Variants in COMMD10 observed in about 807,000 individuals in gnomAD.
The protein encoded by COMMD10 is COMM domain containing 10, also known as COMM domain-containing protein 10.
Under a neutral mutation model 28.9 loss-of-function variants are expected in COMMD10, and 33 were observed. The observed-to-expected ratio is 1.14, with a 90% CI of 0.87 to 1.53. The LOEUF is 1.53. Ranked by LOEUF, COMMD10 falls within the 40% of genes most tolerant of loss-of-function variation. The pLI, the probability that COMMD10 is intolerant of heterozygous loss-of-function variation, is 0.00. For synonymous variants in COMMD10, 110 were observed against 81.7 expected (o/e 1.35, Z -1.87); for missense variants, 310 against 233.4 (o/e 1.33, Z -2.14).
intron 5 of COMMD10, among the ~76,000 whole-genome samples, chr5:116,199,016 T>A (rs1748598461): frequency 1.3e-5 from 2 of 152,174 alleles, no homozygotes; most frequent in South Asian, 4.1e-4. Flanking sequence ...CATGTTTAGT[T>A]TTGTGAGAAA....
intron 4 of COMMD10, among the ~76,000 whole-genome samples, chr5:116,097,049 C>T (rs550271007): frequency 1.3e-5 from 2 of 151,756 alleles, no homozygotes; most frequent in Non-Finnish European, 2.9e-5. Context: ...TAGTAAATTA[C>T]TTTTTAGTGT....
intron 4 of COMMD10, among the ~76,000 whole-genome samples, chr5:116,112,285 C>G (rs1054581302): frequency 1.3e-5 from 2 of 152,080 alleles, no homozygotes; most frequent in African/African-American, 4.8e-5. Context: ...CCTCTGCTTG[C>G]TTTAGATTTT....
chr5:116,136,888 T>C (rs1210253766), intron 5 of COMMD10, among the ~76,000 whole-genome samples: 1 of 152,170 alleles, frequency 6.6e-6, no homozygotes, highest in Non-Finnish European at 1.5e-5. Context: ...TCATCTTGTA[T>C]GTAGACTTAA....
intron 5 of COMMD10, among the ~76,000 whole-genome samples, chr5:116,231,462 G>A (rs1481188295): frequency 1.3e-5 from 2 of 152,228 alleles, no homozygotes; most frequent in Non-Finnish European, 2.9e-5. Flanking sequence ...TGCAGGTAAT[G>A]TATTTATTCA....
intron 4 of COMMD10, among the ~76,000 whole-genome samples, chr5:116,100,692 A>T (rs1750631584): frequency 6.6e-6 from 1 of 151,934 alleles, no homozygotes; most frequent in South Asian, 2.1e-4. Flanking sequence ...AAAAAACTTG[A>T]CATTAATAGC....
chr5:116,119,748 A>T (rs1751361890), intron 4 of COMMD10, among the ~76,000 whole-genome samples: 1 of 151,972 alleles, frequency 6.6e-6, no homozygotes, highest in African/African-American at 2.4e-5. Flanking sequence ...AGTAACTAGG[A>T]CTACAGGTGT....
At chr5:116,153,220 A>C (rs548661515) in intron 5 of COMMD10, among the ~76,000 whole-genome samples, 2 of 152,286 alleles carry the variant, frequency 1.3e-5, no homozygotes, top group African/African-American at 4.8e-5. Flanking sequence ...ACAAATTAAA[A>C]TGGAGTCTAA....
At chr5:116,192,266 C>A (rs929920771) in intron 5 of COMMD10, among the ~76,000 whole-genome samples, 1 of 120,176 alleles carries the variant, frequency 8.3e-6, no homozygotes, top group African/African-American at 3.4e-5. Context: ...TTAACAACCC[C>A]CCCCCCCAAA....
At chr5:116,233,546 A>C (rs1307197487) in intron 5 of COMMD10, among the ~76,000 whole-genome samples, 1 of 152,170 alleles carries the variant, frequency 6.6e-6, no homozygotes, top group Non-Finnish European at 1.5e-5. Flanking sequence ...GTCTAATAAA[A>C]TATTTACATA....
chr5:116,159,221 A>G (rs1200399534), intron 5 of COMMD10, among the ~76,000 whole-genome samples: 2 of 152,170 alleles, frequency 1.3e-5, no homozygotes, highest in Non-Finnish European at 2.9e-5. Context: ...ATCTAAACTC[A>G]TGCTGCCTAT....
intron 5 of COMMD10, among the ~76,000 whole-genome samples, chr5:116,252,108 T>A (rs1750135466): frequency 6.7e-6 from 1 of 149,252 alleles, no homozygotes; most frequent in South Asian, 2.1e-4. Flanking sequence ...TTTTGAGAAG[T>A]GTCTGTTCAT....
At chr5:116,204,441 C>CT (rs1414218727) in intron 5 of COMMD10, among the ~76,000 whole-genome samples, 6 of 149,594 alleles carry the variant, frequency 4.0e-5, no homozygotes, top group South Asian at 2.1e-4. Flanking sequence ...CTTTTTTTTT[C>CT]TTTTTTTACC....
At chr5:116,171,574 A>ATCCC (rs1753334250) in intron 5 of COMMD10, among the ~76,000 whole-genome samples, 1 of 152,194 alleles carries the variant, frequency 6.6e-6, no homozygotes, top group Admixed American at 6.5e-5. Flanking sequence ...ACTTGGAACC[A>ATCCC]ACCCAAATGC....
intron 5 of COMMD10, among the ~76,000 whole-genome samples, chr5:116,251,065 A>G (rs896432144): frequency 3.9e-5 from 6 of 151,960 alleles, no homozygotes; most frequent in African/African-American, 7.2e-5. Context: ...ACCCATGTGC[A>G]CAGAGCTCCT....
chr5:116,160,727 A>G (rs898630213), intron 5 of COMMD10, among the ~76,000 whole-genome samples: 1 of 152,188 alleles, frequency 6.6e-6, no homozygotes. Flanking sequence ...GAACCTTGGC[A>G]TATAAAAATT....
At chr5:116,286,282 C>T (rs1207641517) in intron 5 of COMMD10, among the ~76,000 whole-genome samples, 2 of 151,102 alleles carry the variant, frequency 1.3e-5, no homozygotes, top group African/African-American at 4.9e-5. Flanking sequence ...AAGGATTTGT[C>T]AATTTTATTG....
chr5:116,244,663 A>C (rs1749896224), intron 5 of COMMD10, among the ~76,000 whole-genome samples: 1 of 135,202 alleles, frequency 7.4e-6, no homozygotes, highest in African/African-American at 3.6e-5. Flanking sequence ...AAAATTACAA[A>C]AAAAAAAAAA....
chr5:116,273,832 G>C (rs1384794958), intron 5 of COMMD10, among the ~76,000 whole-genome samples: 1 of 151,240 alleles, frequency 6.6e-6, no homozygotes, highest in Admixed American at 6.6e-5. Context: ...TATAATACTT[G>C]GAACTAAAGT....
chr5:116,151,314 A>G (rs890319260), intron 5 of COMMD10, among the ~76,000 whole-genome samples: 2 of 151,824 alleles, frequency 1.3e-5, no homozygotes, highest in Non-Finnish European at 1.5e-5. Context: ...ATTGGTCTAA[A>G]ATTCTCTTTT....
Sources: gnomAD v4.1 joint callset for allele counts (sites outside exome capture counted in the v4.1 genomes callset) on GRCh38, gnomAD v4.1.1 for gene constraint, MANE v1.5 for transcripts, NCBI Gene and HGNC (gene_info 2026-07-23, HGNC 2026-07-21) for gene names.